NAALADL2: variants seen among roughly 807,000 people sequenced by gnomAD.
The protein encoded by NAALADL2 is N-acetylated alpha-linked acidic dipeptidase like 2.
In NAALADL2, 76 loss-of-function variants were observed where a neutral mutation model predicts 87.2. The observed-to-expected ratio is 0.87, with a 90% CI of 0.72 to 1.05. The LOEUF (loss-of-function observed/expected upper bound fraction) is 1.05. Among genes scored for constraint, NAALADL2 ranks in the 50% least tolerant of loss-of-function variants. NAALADL2 has a pLI of 0.00. For synonymous variants in NAALADL2, 354 were observed against 331.0 expected (o/e 1.07, Z -0.75); for missense variants, 1,089 against 945.8 (o/e 1.15, Z -1.99).
intron 1 of NAALADL2, among the ~76,000 whole-genome samples, chr3:174,927,767 A>G: frequency 6.6e-6 from 1 of 152,226 alleles, no homozygotes; most frequent in Non-Finnish European, 1.5e-5. Context: ...GAAAGATCTA[A>G]AATTGACACC....
chr3:174,867,624 C>T (rs1231873368), intron 1 of NAALADL2, among the ~76,000 whole-genome samples: 1 of 151,910 alleles, frequency 6.6e-6, no homozygotes, highest in Non-Finnish European at 1.5e-5. Flanking sequence ...ATAAAATGCA[C>T]AGTCTTATTC....
chr3:175,626,565 T>C (rs919343337), intron 10 of NAALADL2, among the ~76,000 whole-genome samples: 1 of 151,908 alleles, frequency 6.6e-6, no homozygotes, highest in African/African-American at 2.4e-5. Flanking sequence ...AGAAACCAGG[T>C]ATCTCCGAAA....
At chr3:175,716,879 A>G (rs925465214) in intron 11 of NAALADL2, among the ~76,000 whole-genome samples, 36 of 152,208 alleles carry the variant, frequency 2.4e-4, no homozygotes, top group African/African-American at 8.7e-4. Context: ...TTTCTGGTCC[A>G]TAGTTATAGA....
At chr3:175,212,553 T>A (rs1403867895) in intron 2 of NAALADL2, among the ~76,000 whole-genome samples, 1 of 126,348 alleles carries the variant, frequency 7.9e-6, no homozygotes, top group Admixed American at 9.0e-5. Flanking sequence ...TTTTCTTCAT[T>A]TTTTTTTCTT....
intron 2 of NAALADL2, among the ~76,000 whole-genome samples, chr3:174,628,124 A>G (rs1352822194): frequency 6.6e-6 from 1 of 152,160 alleles, no homozygotes; most frequent in Non-Finnish European, 1.5e-5. Context: ...TTAAGAAAGA[A>G]AGCTTAATTC....
rs201077585 is a variant in NAALADL2 at position 175,266,083 on chromosome 3, T to C, written c.939+9553T>C. On this transcript the variant is annotated intron_variant, in intron 4 of 13. Coordinates refer to ENST00000454872, the MANE Select transcript of NAALADL2 (RefSeq NM_207015.3). Reference sequence around the variant, plus strand: ...GGTAAAAAAGGTACTTCTTATTTACTAGATTTGCATTTCAAAATTTCATTA... The same window carrying C: ...GGTAAAAAAGGTACTTCTTATTTACCAGATTTGCATTTCAAAATTTCATTA... Among the ~76,000 whole-genome samples, 260 of 150,860 alleles carry C rather than the reference T, an allele frequency of 1.7e-3. 1 individual carries two copies. The highest frequency in any genetic ancestry group is 1.3e-3 in the South Asian group (6 of 4,778).
At chr3:174,943,713 G>T (rs1738964858) in intron 1 of NAALADL2, among the ~76,000 whole-genome samples, 2 of 152,328 alleles carry the variant, frequency 1.3e-5, no homozygotes, top group South Asian at 4.1e-4. Context: ...CCAGCCAGGG[G>T]TTCCCTATTT....
chr3:175,427,761 T>C (rs2149147115), intron 5 of NAALADL2, among the ~76,000 whole-genome samples: 1 of 150,382 alleles, frequency 6.6e-6, no homozygotes, highest in Non-Finnish European at 1.5e-5. Flanking sequence ...AATTTGCATA[T>C]TTTTATACTT....
At position 175,136,687 on chromosome 3, in the gene NAALADL2, C is replaced by T. The variant is rs73883366; in HGVS notation, c.545+39396C>T. 7.4e-3 allele frequency among the ~76,000 whole-genome samples: 1,126 copies of T among 151,726 alleles called. 11 individuals are homozygous for T. Among genetic ancestry groups the T allele is most frequent in the African/African-American group, 0.026 (1,057 of 41,362 alleles). On this transcript the variant is annotated intron_variant, in intron 2 of 13. Transcript: ENST00000454872. Reference sequence around the variant, plus strand: ...TTTTCACAGTAATGAGGGTGTTCTTCAAAAATGACCTCATGCTTTAAAATC... The same window carrying T: ...TTTTCACAGTAATGAGGGTGTTCTTTAAAAATGACCTCATGCTTTAAAATC...
chr3:174,524,970 T>C (rs2108424196), intron 1 of NAALADL2, among the ~76,000 whole-genome samples: 1 of 152,334 alleles, frequency 6.6e-6, no homozygotes, highest in Admixed American at 6.5e-5. Flanking sequence ...AGCATTGCAT[T>C]ACAGTTGCCT....
chr3:175,036,677 G>A (rs866106075), intron 1 of NAALADL2, among the ~76,000 whole-genome samples: 6 of 152,056 alleles, frequency 3.9e-5, no homozygotes, highest in African/African-American at 1.2e-4. Flanking sequence ...GGGATTACAG[G>A]CATGAACCAC....
At chr3:175,750,032 G>T (rs1583105066) in intron 12 of NAALADL2, among the ~76,000 whole-genome samples, 1 of 152,200 alleles carries the variant, frequency 6.6e-6, no homozygotes, top group Non-Finnish European at 1.5e-5. Flanking sequence ...CCTTACATTT[G>T]TTATAATATT....
chr3:175,262,593 TG>T (rs1751252202), intron 4 of NAALADL2, among the ~76,000 whole-genome samples: 1 of 151,278 alleles, frequency 6.6e-6, no homozygotes, highest in East Asian at 1.9e-4. Context: ...TGTGTGTGTG[TG>T]TGTGTGTGTG....
Position 175,808,811 on chromosome 3 carries a change from A to G in NAALADL2, c.*5608A>G, listed in dbSNP as rs1373163667. ...GTCTTTTGTTCTAATTAAAGTACAAACGTGGCATCTGAATAGAAGCTTAGC... is the reference window on the plus strand; with the variant it reads ...GTCTTTTGTTCTAATTAAAGTACAAGCGTGGCATCTGAATAGAAGCTTAGC... On this transcript the variant is annotated 3_prime_UTR_variant, in exon 14 of 14. Transcript: ENST00000454872. 1 of 151,958 alleles carries G rather than the reference A, an allele frequency of 6.6e-6. No homozygotes were observed. The highest frequency in any genetic ancestry group is 2.1e-4 in the South Asian group (1 of 4,832). The allele number at this position is 151,958 out of a possible 1,614,324, so 9.4% of individuals were successfully genotyped here.
Position 174,871,651 on chromosome 3 carries a change from C to T in NAALADL2, c.43+12201C>T, listed in dbSNP as rs1230409172. 3.3e-5 allele frequency among the ~76,000 whole-genome samples: 5 copies of T among 152,188 alleles called. No homozygotes were observed. The East Asian group carries it at 9.6e-4, about 29-fold the overall frequency. On this transcript the variant is annotated intron_variant, in intron 1 of 13. Transcript: ENST00000454872. ...CAGTGGCTCACAGCTGTAATCCCAA[C>T]ACTTTGGGAGGCCAAGGTGGGTGGA...
At chr3:174,922,452 A>G (rs1347591967) in intron 1 of NAALADL2, among the ~76,000 whole-genome samples, 1 of 152,184 alleles carries the variant, frequency 6.6e-6, no homozygotes, top group African/African-American at 2.4e-5. Context: ...TAACAACATA[A>G]ATAGCCACAG....
chr3:175,233,496 C>T (rs1302639541), intron 2 of NAALADL2, among the ~76,000 whole-genome samples: 2 of 152,206 alleles, frequency 1.3e-5, no homozygotes. Flanking sequence ...AGCTGGTATG[C>T]AATAGTTCCA....
At chr3:174,830,512 G>A (rs1413933509) in intron 3 of NAALADL2, among the ~76,000 whole-genome samples, 2 of 151,448 alleles carry the variant, frequency 1.3e-5, no homozygotes, top group Non-Finnish European at 3.0e-5. Flanking sequence ...TTTGGTTACT[G>A]TAGCCTTGTA....
chr3:174,800,850 A>G (rs1258663301), intron 3 of NAALADL2, among the ~76,000 whole-genome samples: 1 of 152,152 alleles, frequency 6.6e-6, no homozygotes, highest in African/African-American at 2.4e-5. Flanking sequence ...GAGTCAAAGG[A>G]GATCATTTTG....
Sources: allele counts gnomAD v4.1 joint callset (sites outside exome capture counted in the v4.1 genomes callset), GRCh38; gene constraint gnomAD v4.1.1; transcripts MANE v1.5; gene names NCBI Gene and HGNC (gene_info 2026-07-23, HGNC 2026-07-21).